The following ENTPD6 variants were observed in gnomAD, a reference collection of about 807,000 sequenced individuals.
The protein encoded by ENTPD6 is CD39 antigen-like 2.
ENTPD6 carries 46 observed loss-of-function variants against 61.5 expected under a neutral mutation model. The ratio of observed to expected loss-of-function variants is 0.75; its 90% CI spans 0.59 to 0.96. The LOEUF is 0.96. ENTPD6 is among the 40% of genes least tolerant of loss of function. ENTPD6 has a pLI of 0.00. For synonymous variants in ENTPD6, 252 were observed against 255.5 expected (o/e 0.99, Z 0.13); for missense variants, 612 against 629.0 (o/e 0.97, Z 0.29).
intron 9 of ENTPD6, 105 bp downstream of exon 9, chr20:25,217,686 C>G: frequency 1.0e-6 from 1 of 996,106 alleles, no homozygotes; most frequent in Non-Finnish European, 1.6e-6. Context: ...TCTGGGAATC[C>G]CTGTGCTGGG....
rs1262984686 is a variant in ENTPD6 at position 25,213,347 on chromosome 20, A to G, written c.538A>G (p.Lys180Glu). Reference sequence around the variant, plus strand: ...CTGGAAGGCCACCCCTCTGGTCCTCAAGGCCACAGCTGGCTTACGCCTGTT... The same window carrying G: ...CTGGAAGGCCACCCCTCTGGTCCTCGAGGCCACAGCTGGCTTACGCCTGTT... ...DFWKATPLVL[K>E]ATAGLRLLPG... Residue 180 changes from lysine (K) to glutamate (E), a missense_variant, in exon 5 of 15, where the codon AAG becomes GAG. Transcript: ENST00000376652. 6.2e-7 allele frequency: 1 copy of G among 1,614,206 alleles called. No individual in the cohort carries two copies.
chr20:25,212,867 G>A (rs545039935), intron 4 of ENTPD6, among the ~76,000 whole-genome samples: 16 of 152,186 alleles, frequency 1.1e-4, no homozygotes, highest in Admixed American at 9.8e-4. Flanking sequence ...CACCACGCCC[G>A]GCTAATTTTT....
At chr20:25,199,297 A>G (rs747963235) in intron 1 of ENTPD6, among the ~76,000 whole-genome samples, 13 of 152,218 alleles carry the variant, frequency 8.5e-5, no homozygotes, top group Non-Finnish European at 1.5e-4. Context: ...TTAGTCAGGC[A>G]TGATCTGTCT....
At position 25,207,211 on chromosome 20, in the gene ENTPD6, C is replaced by T. The variant is rs551145330; in HGVS notation, c.190C>T (p.Arg64Trp). 2.5e-5 allele frequency: 41 copies of T among 1,614,096 alleles called. No individual in the cohort carries two copies. The highest frequency in any genetic ancestry group is 1.9e-4 in the South Asian group (17 of 91,082). ...FIYVAYIKWH[R>W]ATATQAFFSI... is the part of the protein sequence containing the mutation. ...CTATGTTGCCTACATCAAGTGGCAC[C>T]GGGCCACCGCCACCCAGGCCTTCTT... Residue 64 changes from arginine (R) to tryptophan (W), a missense_variant, in exon 3 of 15, where the codon CGG becomes TGG. Transcript: ENST00000376652.
At chr20:25,206,647 G>C in intron 2 of ENTPD6, 57 bp downstream of exon 2, 1 of 1,250,786 alleles carries the variant, frequency 8.0e-7, no homozygotes. Context: ...CTTTCGAAAA[G>C]TAAATTGCCT....
intron 10 of ENTPD6, among the ~76,000 whole-genome samples, chr20:25,220,727 G>A (rs1417854533): frequency 6.6e-6 from 1 of 152,236 alleles, no homozygotes; most frequent in Non-Finnish European, 1.5e-5. Context: ...CCTTTCGGTG[G>A]GACAGCAGCC....
At chr20:25,205,750 T>A (rs1334398423) in intron 1 of ENTPD6, among the ~76,000 whole-genome samples, 1 of 152,130 alleles carries the variant, frequency 6.6e-6, no homozygotes, top group Non-Finnish European at 1.5e-5. Flanking sequence ...GTGAGGCCTC[T>A]CCCCTCGGCA....
In ENTPD6 at chr20:25,207,336, GT is replaced by G; in HGVS notation, c.318del (p.Phe106LeufsTer25). ...DGHEVFYGIM[F>X]DAGSTGTRVH... is the part of the protein sequence containing the mutation. ...GGCACGAGGTCTTCTACGGGATCAT[GT>G]TTGATGCAGGAAGCACTGGCACCCG... On this transcript the variant is annotated frameshift_variant, in exon 3 of 15. Coordinates refer to ENST00000376652, the MANE Select transcript of ENTPD6 (RefSeq NM_001247.5). LOFTEE classifies it high-confidence loss of function. The G allele has an allele frequency of 6.3e-7, 1 of 1,580,436 alleles. No individual in the cohort carries two copies. The highest frequency in any genetic ancestry group is 8.6e-7 in the Non-Finnish European group (1 of 1,157,484).
At chr20:25,209,507 CA>C (rs1195604530) in intron 3 of ENTPD6, among the ~76,000 whole-genome samples, 1 of 151,232 alleles carries the variant, frequency 6.6e-6, no homozygotes, top group Non-Finnish European at 1.5e-5. Context: ...TGCTTGAGCC[CA>C]AAAGTTCAAG....
At position 25,225,215 on chromosome 20, in the gene ENTPD6, C is replaced by G; in HGVS notation, c.1254C>G (p.Thr418=). ...GTGTCTCATCCCCAGTGTGTCGGAC[C>G]CTGGAGACACAGCCGCAGAGCAGCC... ...FEIAAKYVCR[T]LETQPQSSPF... Residue 418 remains threonine (T), a synonymous_variant, in exon 14 of 15, where the codon ACC becomes ACG. Transcript: ENST00000376652. 6.2e-7 allele frequency: 1 copy of G among 1,612,898 alleles called. No homozygotes were observed. Among genetic ancestry groups the G allele is most frequent in the South Asian group, 1.1e-5 (1 of 90,842 alleles).
rs557660559 is a variant in ENTPD6, at chr20:25,213,490, G to A, written c.597+84G>A. 239 of 1,386,894 alleles carry A rather than the reference G, an allele frequency of 1.7e-4. 1 individual carries two copies. The highest frequency in any genetic ancestry group is 9.6e-4 in the South Asian group (68 of 70,528). 85.9% of individuals were successfully genotyped at this position (1,386,894 alleles called of 1,614,324 possible). The stretch of plus-strand genomic sequence containing the variant: ...AAACAACTGCTGTCTCACCAGTGCC[G>A]CACCATCAGGCAGGACACAGATGCT... On this transcript the variant is annotated intron_variant, in intron 5 of 14. Coordinates refer to ENST00000376652, the MANE Select transcript of ENTPD6 (RefSeq NM_001247.5).
intron 4 of ENTPD6, among the ~76,000 whole-genome samples, chr20:25,211,031 G>A (rs115459150): frequency 9.1e-4 from 139 of 152,360 alleles, no homozygotes; most frequent in African/African-American, 3.3e-3. Flanking sequence ...ATGTAAGTTT[G>A]TAGCATTGCT....
At chr20:25,207,884 T>C (rs1242523458) in intron 3 of ENTPD6, among the ~76,000 whole-genome samples, 1 of 152,208 alleles carries the variant, frequency 6.6e-6, no homozygotes, top group South Asian at 2.1e-4. Context: ...AGCTGGAGCC[T>C]GGGCTTCGTT....
In ENTPD6 at chr20:25,209,883, A is replaced by G; in HGVS notation, c.411A>G (p.Ala137=). The G allele has an allele frequency of 6.2e-7, 1 of 1,614,226 alleles. No individual in the cohort carries two copies. Among genetic ancestry groups the G allele is most frequent in the South Asian group, 1.1e-5 (1 of 91,086 alleles). ...TPTLTHETFK[A]LKPGLSAYAD... is the part of the protein sequence containing the mutation. ...CGTTAACCCACGAAACCTTCAAAGC[A>G]CTGAAGCCAGGTCTTTCTGCCTATG... Residue 137 remains alanine (A), a synonymous_variant, in exon 4 of 15, where the codon GCA becomes GCG. Coordinates refer to ENST00000376652, the MANE Select transcript of ENTPD6 (RefSeq NM_001247.5).
In ENTPD6 at chr20:25,209,881, G is replaced by A; in HGVS notation, c.409G>A (p.Ala137Thr). 2.5e-6 allele frequency: 4 copies of A among 1,614,214 alleles called. No individual in the cohort carries two copies. The highest frequency in any genetic ancestry group is 3.4e-6 in the Non-Finnish European group (4 of 1,180,014). ...CACGTTAACCCACGAAACCTTCAAA[G>A]CACTGAAGCCAGGTCTTTCTGCCTA... Reference protein sequence around the residue: ...TPTLTHETFKALKPGLSAYAD... With the variant: ...TPTLTHETFKTLKPGLSAYAD... The change falls in exon 4 of 15, where the codon GCA (alanine) becomes ACA (threonine). Residue 137 changes from alanine (A) to threonine (T), a missense_variant. Physicochemically the swap from Ala to Thr is moderately conservative, Grantham distance 58 (BLOSUM62 0). Transcript: ENST00000376652.
Position 25,221,777 on chromosome 20 carries a change from T to G in ENTPD6, c.1045+444T>G, listed in dbSNP as rs2092640991. The stretch of plus-strand genomic sequence containing the variant: ...CTCTAGTGCTCTGCACCCTTGCAGT[T>G]TCTTCTGAGAGAAATGTTCAAACGC... On this transcript the variant is annotated intron_variant, in intron 11 of 14. Transcript: ENST00000376652. The G allele has an allele frequency of 1.2e-5, 3 of 258,090 alleles. No homozygotes were observed. The South Asian group carries it at 1.3e-4, about 12-fold the overall frequency. 16.0% of individuals were successfully genotyped at this position (258,090 alleles called of 1,614,324 possible).
Position 25,225,237 on chromosome 20 carries a change from A to G in ENTPD6, c.1276A>G (p.Ser426Gly). ...CRTLETQPQS[S>G]PFSCMDLTYV... Reference sequence around the variant, plus strand: ...GACCCTGGAGACACAGCCGCAGAGCAGCCCCTTCTCATGCATGGACCTCAC... The same window carrying G: ...GACCCTGGAGACACAGCCGCAGAGCGGCCCCTTCTCATGCATGGACCTCAC... The change falls in exon 14 of 15, where the codon AGC becomes GGC. Residue 426 changes from serine (S) to glycine (G), a missense_variant. Physicochemically the swap from Ser to Gly is moderately conservative, Grantham distance 56. Transcript: ENST00000376652. The G allele has an allele frequency of 6.2e-7, 1 of 1,613,582 alleles. No individual in the cohort carries two copies. The highest frequency in any genetic ancestry group is 8.5e-7 in the Non-Finnish European group (1 of 1,179,906).
intron 1 of ENTPD6, among the ~76,000 whole-genome samples, chr20:25,204,784 G>T (rs1330641191): frequency 6.6e-6 from 1 of 152,226 alleles, no homozygotes; most frequent in Non-Finnish European, 1.5e-5. Flanking sequence ...GCATTCATCA[G>T]GTGGTGCCAT....
chr20:25,205,243 G>T (rs978812977), intron 1 of ENTPD6, among the ~76,000 whole-genome samples: 3 of 152,154 alleles, frequency 2.0e-5, no homozygotes, highest in African/African-American at 7.2e-5. Flanking sequence ...ATCACTGCTG[G>T]TGGTGGGTAA....
Sources: gnomAD v4.1 joint callset for allele counts (sites outside exome capture counted in the v4.1 genomes callset) on GRCh38, gnomAD v4.1.1 for gene constraint, MANE v1.5 for transcripts, NCBI Gene and HGNC (gene_info 2026-07-23, HGNC 2026-07-21) for gene names.